TMEM80: variants seen among roughly 807,000 people sequenced by gnomAD.
TMEM80 encodes the protein transmembrane protein 80.
TMEM80 carries 16 observed loss-of-function variants against 13.6 expected under a neutral mutation model. The ratio of observed to expected loss-of-function variants is 1.17; its 90% CI spans 0.79 to 1.78. The LOEUF is 1.78. Ranked by LOEUF, TMEM80 falls within the 40% of genes most tolerant of loss-of-function variation. TMEM80 has a pLI of 0.00. For synonymous variants in TMEM80, 92 were observed against 89.5 expected, an observed-to-expected ratio of 1.03 and a Z score of -0.16; for missense variants, 167 against 184.6, an observed-to-expected ratio of 0.90 and a Z score of 0.55.
chr11:699,047 C>G, intron 2 of TMEM80, 159 bp downstream of exon 2: 1 of 848,244 alleles, frequency 1.2e-6, no homozygotes, highest in African/African-American at 1.7e-5. Flanking sequence ...GTTGATGTAA[C>G]TTCCTCGGAT....
intron 4 of TMEM80, among the ~76,000 whole-genome samples, chr11:701,896 A>G (rs1164705867): frequency 6.6e-6 from 1 of 152,194 alleles, no homozygotes; most frequent in Non-Finnish European, 1.5e-5. Flanking sequence ...CGCCCTCCCC[A>G]GAGCTCACCT....
intron 2 of TMEM80, 67 bp from the exon 3 acceptor site, chr11:700,075 C>G (rs1425423087): frequency 5.0e-6 from 7 of 1,390,204 alleles, no homozygotes; most frequent in Non-Finnish European, 7.1e-6. Context: ...ACCAGCCCCT[C>G]TTGTTCAGCC....
Position 703,506 on chromosome 11 carries a change from T to G in TMEM80, c.*356T>G, listed in dbSNP as rs1428996572. ...GGGCCGAGAGGGAGGACAGAGCCCT[T>G]CAGAACAGAGGCCTCATCTCACTGC... On this transcript the variant is annotated 3_prime_UTR_variant, in exon 5 of 5. Transcript: ENST00000397510. 9 of 1,246,854 alleles carry G rather than the reference T, an allele frequency of 7.2e-6. No individual in the cohort carries two copies. Among genetic ancestry groups the G allele is most frequent in the Middle Eastern group, 3.0e-4 (1 of 3,288 alleles). The allele number at this position is 1,246,854 out of a possible 1,614,324, so 77.2% of individuals were successfully genotyped here. A position where few individuals can be genotyped will look rare whatever the true frequency, so the allele number is the denominator to read the frequency against.
intron 1 of TMEM80, 52 bp downstream of exon 1, chr11:695,898 T>C: frequency 8.3e-7 from 1 of 1,205,030 alleles, no homozygotes; most frequent in South Asian, 4.1e-5. Context: ...GGGCGCGGCG[T>C]TTCCCTGTGG....
Position 700,708 on chromosome 11 carries a change from G to T in TMEM80, c.226+1G>T. The T allele has an allele frequency of 6.2e-7, 1 of 1,613,354 alleles. No homozygotes were observed. Among genetic ancestry groups the T allele is most frequent in the Non-Finnish European group, 8.5e-7 (1 of 1,179,298 alleles). On this transcript the variant is annotated splice_donor_variant, in intron 4 of 4. Transcript: ENST00000397510. LOFTEE classifies it high-confidence loss of function. ...CTAGAAGCAGTTCGGTTATACCTGGGTGAGTGGACTGTTAACACCGTGAAG... is the reference window on the plus strand; with the variant it reads ...CTAGAAGCAGTTCGGTTATACCTGGTTGAGTGGACTGTTAACACCGTGAAG...
intron 1 of TMEM80, 36 bp downstream of exon 1, chr11:695,882 A>C (rs1213261287): frequency 2.8e-5 from 34 of 1,220,208 alleles, no homozygotes; most frequent in East Asian, 6.4e-5. Context: ...CCGGGCTTGC[A>C]GCGGCGGGCG....
rs759777727 is a variant in TMEM80, at chr11:700,238, AAGTC to A, written c.133+6_133+9del. The stretch of plus-strand genomic sequence containing the variant: ...GCTCCTGATGATCACGTATAAAAGT[AAGTC>A]AGGGACGGGCACAGTGGCTCACGCC... On this transcript the variant is annotated splice_donor_5th_base_variant and intron_variant, in intron 3 of 4. Coordinates refer to ENST00000397510, the MANE Select transcript of TMEM80 (RefSeq NM_001042463.3). The A allele has an allele frequency of 5.0e-6, 8 of 1,612,836 alleles. 1 individual carries two copies. In the South Asian group the frequency reaches 8.8e-5, roughly 18 times the overall value.
intron 1 of TMEM80, chr11:697,933 C>G (rs1328747522): frequency 6.6e-6 from 1 of 152,188 alleles, no homozygotes; most frequent in African/African-American, 2.4e-5. Flanking sequence ...CCAGATCTGC[C>G]CAAGAAGCTG....
At chr11:698,430 T>C (rs974198727) in intron 1 of TMEM80, among the ~76,000 whole-genome samples, 7 of 152,228 alleles carry the variant, frequency 4.6e-5, no homozygotes, top group African/African-American at 1.7e-4. Flanking sequence ...AGCAAATGTC[T>C]CATCAATCAT....
chr11:697,017 G>A (rs1192479037), intron 1 of TMEM80, among the ~76,000 whole-genome samples: 1 of 151,302 alleles, frequency 6.6e-6, no homozygotes, highest in Non-Finnish European at 1.5e-5. Flanking sequence ...GGTGGTGGTG[G>A]GGGGGGTGGG....
At chr11:699,178 A>G (rs1219076856) in intron 2 of TMEM80, 1 of 480,448 alleles carries the variant, frequency 2.1e-6, no homozygotes, top group African/African-American at 1.9e-5. Flanking sequence ...TGGCAGGAAG[A>G]TGGAAATCCC....
At chr11:704,725 G>A, downstream of TMEM80, 1 of 1,143,776 alleles carries the variant, frequency 8.7e-7, no homozygotes, top group Non-Finnish European at 1.2e-6. Flanking sequence ...ATGGCTCCAG[G>A]TGACCCGGAG....
rs369385957 is a variant in TMEM80 at position 703,063 on chromosome 11, G to A, written c.345G>A (p.Ala115=). Residue 115 remains alanine, a synonymous_variant, in exon 5 of 5, where the codon GCG becomes GCA. Transcript: ENST00000397510. The part of the protein sequence containing the change: ...FLLWQALVLW[A]DWALSATLLA... ...TTTGGCAGGCCCTAGTGTTGTGGGC[G>A]GACTGGGCCCTCAGCGCCACGCTCC... 9 of 1,612,708 alleles carry A rather than the reference G, an allele frequency of 5.6e-6. No individual in the cohort carries two copies. The highest frequency in any genetic ancestry group is 2.2e-5 in the East Asian group (1 of 44,866).
At chr11:697,157 G>A (rs1180660119) in intron 1 of TMEM80, among the ~76,000 whole-genome samples, 1 of 141,308 alleles carries the variant, frequency 7.1e-6, no homozygotes, top group African/African-American at 2.6e-5. Context: ...GGGAGGCTGA[G>A]GCTGGCGGAT....
Position 703,806 on chromosome 11 carries a change from C to G in TMEM80, c.*656C>G. On this transcript the variant is annotated 3_prime_UTR_variant, in exon 5 of 5. Transcript: ENST00000397510. ...GCCACACTTCTCCCTTCAGGGGCTT[C>G]GGAGGAGAGGTCAGGGCTAAGGCCG... 2 of 1,233,098 alleles carry G rather than the reference C, an allele frequency of 1.6e-6. No individual in the cohort carries two copies. Among genetic ancestry groups the G allele is most frequent in the Non-Finnish European group, 2.0e-6 (2 of 989,050 alleles). 76.4% of individuals were successfully genotyped at this position (1,233,098 alleles called of 1,614,324 possible).
chr11:700,873 A>T (rs773908291), intron 4 of TMEM80, 166 bp downstream of exon 4: 1 of 679,260 alleles, frequency 1.5e-6, no homozygotes, highest in South Asian at 1.7e-5. Flanking sequence ...ATTAAGTATT[A>T]ATCAAGAAGT....
downstream of TMEM80, chr11:704,765 T>C: frequency 1.3e-6 from 1 of 743,460 alleles, no homozygotes; most frequent in Non-Finnish European, 1.9e-6. Context: ...CAGCCTGGAC[T>C]GTCTCCTGAG....
At chr11:701,381 T>TTTG (rs1564962705) in intron 4 of TMEM80, among the ~76,000 whole-genome samples, 8 of 150,376 alleles carry the variant, frequency 5.3e-5, no homozygotes, top group African/African-American at 1.7e-4. Flanking sequence ...TTTTGTTTTT[T>TTTG]TTTGGTAGAG....
chr11:695,721 G>T, upstream of TMEM80: 1 of 1,240,692 alleles, frequency 8.1e-7, no homozygotes, highest in South Asian at 3.7e-5. Context: ...GAAACGCGGC[G>T]CGGTCGGGCC....
Sources: allele counts gnomAD v4.1 joint callset (sites outside exome capture counted in the v4.1 genomes callset), GRCh38; gene constraint gnomAD v4.1.1; transcripts MANE v1.5; gene names NCBI Gene and HGNC (gene_info 2026-07-23, HGNC 2026-07-21).